Variants in PRRC2B observed in about 807,000 individuals in gnomAD.
PRRC2B encodes protein PRRC2B.
A neutral mutation model predicts 242.3 loss-of-function variants in PRRC2B; 68 were observed. The observed-to-expected ratio is 0.28, with a 90% confidence interval of 0.23 to 0.34. The LOEUF is 0.34. PRRC2B is among the 10% of genes least tolerant of loss of function. PRRC2B has a pLI of 1.00. For synonymous variants in PRRC2B, 1,228 were observed against 1,173.6 expected, an observed-to-expected ratio of 1.05 and a Z score of -0.95; for missense variants, 2,835 against 2,954.8, an observed-to-expected ratio of 0.96 and a Z score of 0.94.
At chr9:131,454,969 A>G (rs984012962) in intron 9 of PRRC2B, 107 bp from the exon 10 acceptor site, 27 of 793,740 alleles carry the variant, frequency 3.4e-5, no homozygotes, top group Non-Finnish European at 5.1e-5. Context: ...TGATCCGCCC[A>G]CCTCAGCCTC....
chr9:131,439,971 T>G (rs1838507519), intron 5 of PRRC2B, among the ~76,000 whole-genome samples: 1 of 151,652 alleles, frequency 6.6e-6, no homozygotes, highest in Admixed American at 6.6e-5. Context: ...GATCTCAAAC[T>G]CCTAGGCTCA....
intron 13 of PRRC2B, among the ~76,000 whole-genome samples, chr9:131,468,769 T>C (rs1943462053): frequency 6.6e-6 from 1 of 152,212 alleles, no homozygotes; most frequent in South Asian, 2.1e-4. Flanking sequence ...AACCAAGGAC[T>C]TAAGGCTTTT....
intron 14 of PRRC2B, among the ~76,000 whole-genome samples, chr9:131,472,125 T>C (rs550516060): frequency 3.3e-5 from 5 of 152,354 alleles, no homozygotes; most frequent in African/African-American, 1.2e-4. Context: ...ATAATAATTA[T>C]AGTTTTCTGT....
chr9:131,437,609 G>A (rs1838415951), intron 4 of PRRC2B, among the ~76,000 whole-genome samples: 1 of 152,234 alleles, frequency 6.6e-6, no homozygotes, highest in South Asian at 2.1e-4. Flanking sequence ...GGCAATATAA[G>A]GTCTCAAATG....
intron 1 of PRRC2B, among the ~76,000 whole-genome samples, chr9:131,418,397 T>C (rs1837714524): frequency 6.6e-6 from 1 of 152,230 alleles, no homozygotes; most frequent in Non-Finnish European, 1.5e-5. Flanking sequence ...GGTGGGAGTT[T>C]AGATTCAGCG....
At chr9:131,410,938 T>G (rs926721021) in intron 1 of PRRC2B, among the ~76,000 whole-genome samples, 4 of 152,142 alleles carry the variant, frequency 2.6e-5, no homozygotes, top group Non-Finnish European at 4.4e-5. Flanking sequence ...GGAATTTGGT[T>G]TTTAGGATAT....
At chr9:131,463,099 T>C (rs1199687398) in intron 11 of PRRC2B, among the ~76,000 whole-genome samples, 2 of 152,102 alleles carry the variant, frequency 1.3e-5, no homozygotes, top group Non-Finnish European at 2.9e-5. Flanking sequence ...AGCCATGAAC[T>C]GATCAATACA....
chr9:131,489,553 CA>C (rs1944125474), intron 28 of PRRC2B, among the ~76,000 whole-genome samples: 1 of 152,104 alleles, frequency 6.6e-6, no homozygotes, highest in African/African-American at 2.4e-5. Flanking sequence ...TCTGCCGAGC[CA>C]CATGGCCTTT....
intron 8 of PRRC2B, 34 bp from the exon 9 acceptor site, chr9:131,447,628 C>T (rs754344428): frequency 1.3e-6 from 2 of 1,552,812 alleles, no homozygotes; most frequent in Non-Finnish European, 1.7e-6. Context: ...CGTCTGTATA[C>T]TGGACATGAT....
rs1490427037 is a variant in PRRC2B at position 131,500,181 on chromosome 9, AAG to A, written c.*4308_*4309del. 15 of 152,222 alleles carry A rather than the reference AAG, an allele frequency of 9.9e-5. No homozygotes were observed. Among genetic ancestry groups the A allele is most frequent in the African/African-American group, 3.4e-4 (14 of 41,460 alleles). 9.4% of individuals were successfully genotyped at this position (152,222 alleles called of 1,614,324 possible). A position where few individuals can be genotyped will look rare whatever the true frequency, so the allele number is the denominator to read the frequency against. On this transcript the variant is annotated 3_prime_UTR_variant, in exon 32 of 32. Transcript: ENST00000683519. ...AGAATTCTCCTTATTTAAATAAAAA[AAG>A]TTTAAAAAGATAAAGCTGAACGTGC...
chr9:131,475,768 G>A lies in PRRC2B; in HGVS notation c.3639G>A (p.Gly1213=). Residue 1213 remains glycine (G), a synonymous_variant, in exon 16 of 32, where the codon GGG becomes GGA. Transcript: ENST00000683519. ...TCCCTCCCCGGCTGAGCAATTGCGG[G>A]TATGGACGGAGAACCTTCGTCTCCA... The part of the protein sequence containing the change: ...RALPPRLSNC[G]YGRRTFVSKE... The A allele has an allele frequency of 6.2e-7, 1 of 1,613,624 alleles. No homozygotes were observed. The highest frequency in any genetic ancestry group is 8.5e-7 in the Non-Finnish European group (1 of 1,179,770).
chr9:131,415,150 C>G (rs559099557), intron 1 of PRRC2B, among the ~76,000 whole-genome samples: 1 of 152,050 alleles, frequency 6.6e-6, no homozygotes, highest in East Asian at 1.9e-4. Flanking sequence ...TGCGCCATCA[C>G]GCCCAGCTAA....
At chr9:131,435,446 C>T (rs1838323745) in intron 3 of PRRC2B, among the ~76,000 whole-genome samples, 1 of 151,976 alleles carries the variant, frequency 6.6e-6, no homozygotes, top group South Asian at 2.1e-4. Context: ...GAAACCCCGT[C>T]TCTGCTAAAA....
intron 23 of PRRC2B, 43 bp from the exon 24 acceptor site, chr9:131,484,643 T>C (rs748244670): frequency 3.3e-6 from 5 of 1,516,340 alleles, no homozygotes; most frequent in Non-Finnish European, 3.6e-6. Context: ...AAGCCATCTC[T>C]GCACCTGTTT....
intron 1 of PRRC2B, among the ~76,000 whole-genome samples, chr9:131,411,661 A>G (rs753206270): frequency 1.3e-5 from 2 of 151,916 alleles, no homozygotes; most frequent in African/African-American, 2.4e-5. Context: ...ACTATTTTCT[A>G]GATATTTTGC....
chr9:131,490,777 T>C, intron 28 of PRRC2B: 1 of 362,942 alleles, frequency 2.8e-6, no homozygotes, highest in Non-Finnish European at 5.5e-6. Flanking sequence ...ACAGTAAGAG[T>C]CTTGAACGTG....
chr9:131,487,421 G>GC lies in PRRC2B; in HGVS notation c.5984+127_5984+128insC. On this transcript the variant is annotated intron_variant, in intron 27 of 31. Coordinates refer to ENST00000683519, the MANE Select transcript of PRRC2B (RefSeq NM_013318.4). The surrounding 1 kb of genome is among the most constrained non-coding windows in gnomAD (Gnocchi z 5.3). ...GGGCCAGTGGGGCGGGGAGGGGTGG[G>GC]AGTTTGCTCTGAATCACTCTTCAGT... 1.6e-6 allele frequency: 1 copy of GC among 637,940 alleles called. No homozygotes were observed. Among genetic ancestry groups the GC allele is most frequent in the African/African-American group, 1.8e-5 (1 of 54,376 alleles). 39.5% of individuals were successfully genotyped at this position (637,940 alleles called of 1,614,324 possible).
chr9:131,474,286 T>C (rs1029022506), intron 15 of PRRC2B, among the ~76,000 whole-genome samples, 168 bp from the exon 16 acceptor site: 1 of 152,230 alleles, frequency 6.6e-6, no homozygotes, highest in Non-Finnish European at 1.5e-5. Context: ...TTGATGCTTA[T>C]GTTTTTTTTT....
At chr9:131,420,485 C>CTCTCTTTCTCTCTTTCTCTCT (rs1837792614) in intron 1 of PRRC2B, among the ~76,000 whole-genome samples, 1 of 15,748 alleles carries the variant, frequency 6.4e-5, no homozygotes, top group African/African-American at 1.6e-4. Flanking sequence ...TTCTTTCTTT[C>CTCTCTTTCTCTCTTTCTCTCT]TTTCTTTCTT....
Sources: allele counts gnomAD v4.1 joint callset (sites outside exome capture counted in the v4.1 genomes callset), GRCh38; gene constraint gnomAD v4.1.1; non-coding constraint Gnocchi (gnomAD v3.1); transcripts MANE v1.5; gene names NCBI Gene and HGNC (gene_info 2026-07-23, HGNC 2026-07-21).